CKMT1A: variants seen among roughly 807,000 people sequenced by gnomAD.
CKMT1A encodes creatine kinase, mitochondrial 1A.
CKMT1A carries 23 observed loss-of-function variants against 21.8 expected under a neutral mutation model. The ratio of observed to expected loss-of-function variants is 1.05; its 90% CI spans 0.76 to 1.49. The LOEUF (loss-of-function observed/expected upper bound fraction) is 1.49, where lower values mean the gene tolerates loss of function less well. Ranked by LOEUF, CKMT1A falls within the 40% of genes most tolerant of loss-of-function variation. The pLI, the probability that CKMT1A is intolerant of heterozygous loss-of-function variation, is 0.00. For synonymous variants in CKMT1A, 67 were observed against 80.4 expected (o/e 0.83, Z 0.89); for missense variants, 154 against 229.4 (o/e 0.67, Z 2.12).
chr15:43,696,336 T>C lies in CKMT1A; in HGVS notation c.849T>C (p.Phe283=). The change falls in exon 6 of 9, where the codon TTT becomes TTC. Residue 283 remains phenylalanine, a synonymous_variant. Transcript: ENST00000413453. ...AGGGTGGTAACATGAAGAGAGTGTT[T>C]GAAAGATTCTGCCGAGGCCTCAAAG... ...MEKGGNMKRV[F]ERFCRGLKEV... is the part of the protein sequence containing the mutation. 2 of 1,610,142 alleles carry C rather than the reference T, an allele frequency of 1.2e-6. No individual in the cohort carries two copies. Among genetic ancestry groups the C allele is most frequent in the South Asian group, 2.2e-5 (2 of 90,888 alleles).
At chr15:43,698,464 G>A (rs535332373) in intron 7 of CKMT1A, among the ~76,000 whole-genome samples, 177 bp from the exon 8 acceptor site, 11 of 149,120 alleles carry the variant, frequency 7.4e-5, no homozygotes, top group African/African-American at 2.5e-4. Flanking sequence ...AGGCTTCAGT[G>A]AGCTGTGATC....
intron 6 of CKMT1A, 147 bp from the exon 7 acceptor site, chr15:43,697,867 C>T: frequency 6.8e-7 from 1 of 1,478,990 alleles, no homozygotes; most frequent in African/African-American, 1.4e-5. Context: ...AAACCTTTTT[C>T]ATTTAAAAAA....
At chr15:43,698,798 G>A (rs770213438) in intron 8 of CKMT1A, 32 bp downstream of exon 8, 22 of 1,612,808 alleles carry the variant, frequency 1.4e-5, no homozygotes, top group Non-Finnish European at 1.8e-5. Flanking sequence ...ATGAGGAGAG[G>A]TATAGGTCTG....
chr15:43,696,459 A>G, intron 6 of CKMT1A, 96 bp downstream of exon 6: 2 of 1,585,090 alleles, frequency 1.3e-6, no homozygotes, highest in Non-Finnish European at 1.7e-6. Context: ...CCAACCCAAG[A>G]CATGTCTGAT....
At chr15:43,697,649 C>T (rs776365528) in intron 6 of CKMT1A, 30 of 984,944 alleles carry the variant, frequency 3.0e-5, no homozygotes, top group Non-Finnish European at 3.6e-5. Context: ...GCTCTAGGCT[C>T]ATTAGCAAAG....
chr15:43,696,374 A>G lies in CKMT1A; in HGVS notation c.876+11A>G. 6.2e-7 allele frequency: 1 copy of G among 1,611,134 alleles called. No individual in the cohort carries two copies. Among genetic ancestry groups the G allele is most frequent in the African/African-American group, 1.4e-5 (1 of 73,462 alleles). ...CGAGGCCTCAAAGAGGTTAGAGAAG[A>G]TTGTGTAGGGGAGCTAGGTGGGAGG... On this transcript the variant is annotated intron_variant, in intron 6 of 8. Coordinates refer to ENST00000413453, the MANE Select transcript of CKMT1A (RefSeq NM_001321926.2).
chr15:43,696,449 C>T (rs763549096), intron 6 of CKMT1A, 86 bp downstream of exon 6: 4 of 1,595,580 alleles, frequency 2.5e-6, no homozygotes, highest in African/African-American at 1.4e-5. Context: ...AATTTATCAA[C>T]CAACCCAAGA....
rs765339173 is a variant in CKMT1A at position 43,698,661 on chromosome 15, C to G, written c.1032C>G (p.Ile344Met). 13 of 1,613,408 alleles carry G rather than the reference C, an allele frequency of 8.1e-6. No homozygotes were observed. In the Admixed American group the frequency reaches 2.2e-4, roughly 27 times the overall value. Reference sequence around the variant, plus strand: ...TCTAGGATAGCCGCTTCCCAAAGATCCTGGAGAACCTAAGACTCCAAAAGC... The same window carrying G: ...TCTAGGATAGCCGCTTCCCAAAGATGCTGGAGAACCTAAGACTCCAAAAGC... ...LLSKDSRFPKILENLRLQKRG... is the reference protein window; with the variant it reads ...LLSKDSRFPKMLENLRLQKRG... Residue 344 changes from isoleucine (I) to methionine (M), a missense_variant, in exon 8 of 9, where the codon ATC (isoleucine) becomes ATG (methionine). Coordinates refer to ENST00000413453, the MANE Select transcript of CKMT1A (RefSeq NM_001321926.2).
At position 43,698,065 on chromosome 15, in the gene CKMT1A, T is replaced by C; in HGVS notation, c.928T>C (p.Leu310=). 2 of 1,613,394 alleles carry C rather than the reference T, an allele frequency of 1.2e-6. No homozygotes were observed. Among genetic ancestry groups the C allele is most frequent in the South Asian group, 2.2e-5 (2 of 91,028 alleles). Residue 310 remains leucine (L), a synonymous_variant, in exon 7 of 9, where the codon TTG becomes CTG. Transcript: ENST00000413453. The part of the protein sequence containing the change: ...RGWEFMWNER[L]GYILTCPSNL... ...CTGGGAGTTCATGTGGAATGAGCGT[T>C]TGGGATACATCTTGACCTGTCCATC...
intron 7 of CKMT1A, among the ~76,000 whole-genome samples, chr15:43,698,360 C>A (rs1363463422): frequency 1.3e-5 from 2 of 151,712 alleles, no homozygotes; most frequent in Non-Finnish European, 2.9e-5. Context: ...CCAGCCTGGG[C>A]AACCTGGTGA....
rs146137486 is a variant in CKMT1A at position 43,699,064 on chromosome 15, C to T, written c.1229C>T (p.Thr410Ile). 2.7e-5 allele frequency: 44 copies of T among 1,613,450 alleles called. 1 individual carries two copies. The highest frequency in any genetic ancestry group is 3.5e-5 in the Non-Finnish European group (41 of 1,179,892). The change falls in exon 9 of 9, where the codon ACA becomes ATA. Residue 410 changes from threonine to isoleucine, a missense_variant. Transcript: ENST00000413453. Reference protein sequence around the residue: ...LERGQDIRIPTPVIHTKH With the variant: ...LERGQDIRIPIPVIHTKH The stretch of plus-strand genomic sequence containing the variant: ...AGAGGCCAGGATATCCGCATCCCCA[C>T]ACCTGTCATCCACACCAAGCATTAA...
chr15:43,698,905 C>A, intron 8 of CKMT1A, 68 bp from the exon 9 acceptor site: 1 of 1,603,624 alleles, frequency 6.2e-7, no homozygotes, highest in Non-Finnish European at 8.5e-7. Context: ...AATGAGCAGG[C>A]AAGTCAGTCA....
At position 43,698,549 on chromosome 15, in the gene CKMT1A, G is replaced by A. The variant is rs553716498; in HGVS notation, c.1012-92G>A. On this transcript the variant is annotated intron_variant, in intron 7 of 8. Coordinates refer to ENST00000413453, the MANE Select transcript of CKMT1A (RefSeq NM_001321926.2). ...GAAAAAAGGAAAAAAAAAAGTTCAG[G>A]AGACAGAGCTCTGAGCAGGTTCAGG... is the stretch of plus-strand genomic sequence containing the variant. 6.8e-6 allele frequency: 10 copies of A among 1,459,870 alleles called. No individual in the cohort carries two copies. In the South Asian group the frequency reaches 1.4e-4, roughly 20 times the overall value. 90.4% of individuals were successfully genotyped at this position (1,459,870 alleles called of 1,614,324 possible).
chr15:43,697,888 C>T, intron 6 of CKMT1A, 126 bp from the exon 7 acceptor site: 1 of 1,494,020 alleles, frequency 6.7e-7, no homozygotes, highest in Non-Finnish European at 8.9e-7. Context: ...AGACCAATGT[C>T]ATTCATTCAC....
Position 43,696,115 on chromosome 15 carries a change from G to A in CKMT1A, c.743G>A (p.Arg248His), listed in dbSNP as rs1309834290. 1.5e-5 allele frequency: 11 copies of A among 756,820 alleles called. No individual in the cohort carries two copies. The highest frequency in any genetic ancestry group is 2.7e-5 in the East Asian group (1 of 36,722). The allele number at this position is 756,820 out of a possible 1,614,324, so 46.9% of individuals were successfully genotyped here. The change falls in exon 5 of 9, where the codon CGT (arginine) becomes CAT (histidine). Residue 248 changes from arginine (R) to histidine (H), a missense_variant. Coordinates refer to ENST00000413453, the MANE Select transcript of CKMT1A (RefSeq NM_001321926.2). The part of the protein sequence containing the change: ...AGMARDWPDA[R>H]GIWHNNEKSF... Reference sequence around the variant, plus strand: ...ATGGCTCGAGACTGGCCAGATGCTCGTGGAATTTGGTATGAAGCTGCTCAT... The same window carrying A: ...ATGGCTCGAGACTGGCCAGATGCTCATGGAATTTGGTATGAAGCTGCTCAT...
chr15:43,696,632 A>G, intron 6 of CKMT1A: 1 of 552,302 alleles, frequency 1.8e-6, no homozygotes, highest in Non-Finnish European at 3.2e-6. Flanking sequence ...AATAACTGAG[A>G]TGGCACGTCA....
At chr15:43,697,396 G>A (rs2086463745) in intron 6 of CKMT1A, 1 of 984,984 alleles carries the variant, frequency 1.0e-6, no homozygotes, top group Admixed American at 6.2e-5. Flanking sequence ...AGTGGTCTTT[G>A]TGATCATCAC....
Position 43,699,044 on chromosome 15 carries a change from C to T in CKMT1A, c.1209C>T (p.Gly403=). ...LIDCERRLER[G]QDIRIPTPVI... ...ATTGTGAACGGCGTCTGGAGAGAGG[C>T]CAGGATATCCGCATCCCCACACCTG... The change falls in exon 9 of 9, where the codon GGC becomes GGT. Residue 403 remains glycine, a synonymous_variant. Transcript: ENST00000413453. 1 of 1,609,982 alleles carries T rather than the reference C, an allele frequency of 6.2e-7. No individual in the cohort carries two copies. The highest frequency in any genetic ancestry group is 8.5e-7 in the Non-Finnish European group (1 of 1,179,458).
intron 6 of CKMT1A, chr15:43,697,380 T>C (rs1020211646): frequency 4.1e-6 from 4 of 984,896 alleles, no homozygotes; most frequent in African/African-American, 3.5e-5. Context: ...TTTACTCATG[T>C]TGGATAGTGG....
Sources: allele counts gnomAD v4.1 joint callset (sites outside exome capture counted in the v4.1 genomes callset), GRCh38; gene constraint gnomAD v4.1.1; transcripts MANE v1.5; gene names NCBI Gene and HGNC (gene_info 2026-07-23, HGNC 2026-07-21).